The following TBC1D21 variants were observed in gnomAD, a reference collection of about 807,000 sequenced individuals.
TBC1D21 encodes TBC1 domain family member 21, also known as male germ cell Rab GTPase-activating protein.
In TBC1D21, 38 loss-of-function variants were observed where a neutral mutation model predicts 46.0. That is an observed-to-expected ratio of 0.83 (90% CI 0.64 to 1.08). The LOEUF (loss-of-function observed/expected upper bound fraction) is 1.08, where lower values mean the gene tolerates loss of function less well. Among genes scored for constraint, TBC1D21 ranks in the 50% least tolerant of loss-of-function variants. The pLI is 0.00. For synonymous variants in TBC1D21, 151 were observed against 157.2 expected (o/e 0.96, Z 0.29); for missense variants, 415 against 417.9 (o/e 0.99, Z 0.06).
chr15:73,888,549 T>TTCC lies in TBC1D21; in HGVS notation c.978+48_978+50dup, dbSNP rs750420173. Reference sequence around the variant, plus strand: ...CCAATGATGTGTCCTCCTCCTCCTCTTCCTCCTCCTCCTCTTCCTCCTCCT... The same window carrying TTCC: ...CCAATGATGTGTCCTCCTCCTCCTCTTCCTCCTCCTCCTCCTCTTCCTCCTCCT... On this transcript the variant is annotated intron_variant, in intron 10 of 10. Coordinates refer to ENST00000300504, the MANE Select transcript of TBC1D21 (RefSeq NM_153356.3). 2.8e-5 allele frequency: 37 copies of TTCC among 1,320,920 alleles called. 1 individual carries two copies. Among genetic ancestry groups the TTCC allele is most frequent in the South Asian group, 2.8e-4 (18 of 64,592 alleles). 81.8% of individuals were successfully genotyped at this position (1,320,920 alleles called of 1,614,324 possible).
rs139385848 is a variant in TBC1D21, at chr15:73,886,156, G to A, written c.658G>A (p.Val220Met). 146 of 1,614,196 alleles carry A rather than the reference G, an allele frequency of 9.0e-5. No individual in the cohort carries two copies. The African/African-American group carries it at 1.4e-3, about 16-fold the overall frequency. Residue 220 changes from valine (V) to methionine (M), a missense_variant, in exon 7 of 11, where the codon GTG becomes ATG. Physicochemically the swap from Val to Met is conservative, Grantham distance 21. Transcript: ENST00000300504. ...LSTLITFLDP[V>M]FAEHLKGKGA... ...CACCCTGATCACCTTCCTGGACCCC[G>A]TGTTTGCTGAGCACCTAAGTGAGTG...
intron 1 of TBC1D21, among the ~76,000 whole-genome samples, chr15:73,879,749 C>T (rs2068120995): frequency 6.6e-6 from 1 of 152,166 alleles, no homozygotes; most frequent in East Asian, 1.9e-4. Flanking sequence ...CATGTCTACT[C>T]AGCTCTGTCC....
downstream of TBC1D21, among the ~76,000 whole-genome samples, chr15:73,889,640 C>T (rs1370553132): frequency 6.6e-6 from 1 of 152,256 alleles, no homozygotes; most frequent in Admixed American, 6.5e-5. Flanking sequence ...GTGGAAGGGG[C>T]TGGCCTGGAA....
At chr15:73,897,062 G>A in the TBC1D21 span, among the ~76,000 whole-genome samples, 1 of 152,106 alleles carries the variant, frequency 6.6e-6, no homozygotes, top group Non-Finnish European at 1.5e-5. Context: ...CCCATGGCTT[G>A]GATCCTCTCC....
chr15:73,878,546 A>G (rs1360822646), intron 1 of TBC1D21, among the ~76,000 whole-genome samples: 1 of 152,266 alleles, frequency 6.6e-6, no homozygotes, highest in African/African-American at 2.4e-5. Flanking sequence ...TGAAATACTT[A>G]TGGATAAACT....
At chr15:73,885,895 T>A (rs997449888) in intron 6 of TBC1D21, among the ~76,000 whole-genome samples, 183 bp from the exon 7 acceptor site, 1 of 150,742 alleles carries the variant, frequency 6.6e-6, no homozygotes, top group African/African-American at 2.4e-5. Context: ...CATACACAGA[T>A]CACAGTCACA....
At chr15:73,899,891 AG>A in the TBC1D21 span, among the ~76,000 whole-genome samples, 6 of 152,216 alleles carry the variant, frequency 3.9e-5, no homozygotes, top group Non-Finnish European at 7.3e-5. Context: ...GGTTGGCCCC[AG>A]GGAGCTCAGC....
intron 8 of TBC1D21, 58 bp from the exon 9 acceptor site, chr15:73,887,562 C>A: frequency 6.6e-7 from 1 of 1,507,724 alleles, no homozygotes. Context: ...CCTCACCATC[C>A]TCAGGGCATC....
chr15:73,875,273 A>G (rs1234267855), intron 1 of TBC1D21, among the ~76,000 whole-genome samples: 2 of 140,376 alleles, frequency 1.4e-5, no homozygotes, highest in African/African-American at 5.2e-5. Context: ...AAGAAGAAGA[A>G]GAAGAAAGAA....
At chr15:73,888,856 C>T (rs2068308389) in intron 10 of TBC1D21, among the ~76,000 whole-genome samples, 1 of 152,190 alleles carries the variant, frequency 6.6e-6, no homozygotes, top group Non-Finnish European at 1.5e-5. Flanking sequence ...ATGCATGTTG[C>T]TCCTCATGGT....
downstream of TBC1D21, among the ~76,000 whole-genome samples, chr15:73,890,037 A>G (rs1441616032): frequency 6.6e-6 from 1 of 152,206 alleles, no homozygotes; most frequent in Non-Finnish European, 1.5e-5. Flanking sequence ...ACGAATGCAC[A>G]CACATACACA....
At chr15:73,883,096 A>G (rs1218476102) in intron 3 of TBC1D21, among the ~76,000 whole-genome samples, 1 of 152,242 alleles carries the variant, frequency 6.6e-6, no homozygotes, top group Non-Finnish European at 1.5e-5. Flanking sequence ...TGGCTGCATG[A>G]CTATGTAGCC....
At chr15:73,876,416 A>AT (rs1329632623) in intron 1 of TBC1D21, among the ~76,000 whole-genome samples, 6 of 83,210 alleles carry the variant, frequency 7.2e-5, no homozygotes, top group East Asian at 3.2e-4. Context: ...TTTTTTTTGT[A>AT]TTTTTTTTAG....
At chr15:73,885,582 T>C (rs1193796503) in intron 6 of TBC1D21, among the ~76,000 whole-genome samples, 1 of 152,066 alleles carries the variant, frequency 6.6e-6, no homozygotes, top group African/African-American at 2.4e-5. Context: ...TGAGGGGTTT[T>C]GAAGGTGCAG....
downstream of TBC1D21, among the ~76,000 whole-genome samples, chr15:73,891,869 G>T (rs4625681): frequency 0.27 from 40,834 of 152,160 alleles, 6,264 homozygotes; most frequent in East Asian, 0.68. Flanking sequence ...GGGCCTTCAG[G>T]CACCCCTCAT....
chr15:73,886,404 T>C, intron 7 of TBC1D21, 108 bp from the exon 8 acceptor site: 1 of 1,080,912 alleles, frequency 9.3e-7, no homozygotes, highest in Non-Finnish European at 1.4e-6. Flanking sequence ...GCAGGCTTTT[T>C]GTATTTCCCA....
At chr15:73,899,887 C>G in the TBC1D21 span, among the ~76,000 whole-genome samples, 1 of 152,134 alleles carries the variant, frequency 6.6e-6, no homozygotes, top group African/African-American at 2.4e-5. Context: ...CTGTGGTTGG[C>G]CCCAGGGAGC....
Position 73,873,826 on chromosome 15 carries a change from G to A in TBC1D21, c.60+57G>A, listed in dbSNP as rs1001095399. 4 of 1,571,816 alleles carry A rather than the reference G, an allele frequency of 2.5e-6. No individual in the cohort carries two copies. In the Admixed American group the frequency reaches 7.0e-5, roughly 27 times the overall value. ...CCTCCCCAGCCTCTGGTTGGCACTGGGACCATTTTCCCCTGCTGGGTAGGA... is the reference window on the plus strand; with the variant it reads ...CCTCCCCAGCCTCTGGTTGGCACTGAGACCATTTTCCCCTGCTGGGTAGGA... On this transcript the variant is annotated intron_variant, in intron 1 of 10. Coordinates refer to ENST00000300504, the MANE Select transcript of TBC1D21 (RefSeq NM_153356.3).
the TBC1D21 span, among the ~76,000 whole-genome samples, chr15:73,901,646 G>A: frequency 2.6e-5 from 4 of 152,306 alleles, no homozygotes; most frequent in South Asian, 8.3e-4. Flanking sequence ...TCTAGGGGAG[G>A]ATCTGTTTCC....
Sources: allele counts gnomAD v4.1 joint callset (sites outside exome capture counted in the v4.1 genomes callset), GRCh38; gene constraint gnomAD v4.1.1; transcripts MANE v1.5; gene names NCBI Gene and HGNC (gene_info 2026-07-23, HGNC 2026-07-21).